SCN11A: variants seen among roughly 807,000 people sequenced by gnomAD.
SCN11A encodes sodium voltage-gated channel alpha subunit 11.
SCN11A carries 122 observed loss-of-function variants against 162.2 expected under a neutral mutation model. That is an observed-to-expected ratio of 0.75 (90% confidence interval 0.65 to 0.87). SCN11A has a LOEUF of 0.87. Among genes scored for constraint, SCN11A ranks in the 40% least tolerant of loss-of-function variants. The probability of loss-of-function intolerance (pLI) is 0.00; values close to 1 mark genes in which losing one functional copy is unlikely to be tolerated. For missense variants in SCN11A, 2,015 were observed against 2,181.6 expected (o/e 0.92, Z 1.52); for synonymous variants, 758 against 751.5 (o/e 1.01, Z -0.14).
chr3:38,984,322 G>A (rs1196524032), intron 2 of SCN11A, among the ~76,000 whole-genome samples: 20 of 152,190 alleles, frequency 1.3e-4, no homozygotes. Flanking sequence ...AATCTAAAGA[G>A]CTCCCCCTAC....
intron 29 of SCN11A, among the ~76,000 whole-genome samples, chr3:38,848,306 T>C (rs1373075741): frequency 6.6e-6 from 1 of 152,238 alleles, no homozygotes; most frequent in Non-Finnish European, 1.5e-5. Flanking sequence ...AATTCACATT[T>C]TGGCCTAAAC....
chr3:39,019,450 T>A (rs970771609), intron 2 of SCN11A, among the ~76,000 whole-genome samples: 4 of 152,212 alleles, frequency 2.6e-5, no homozygotes, highest in Admixed American at 6.5e-5. Flanking sequence ...GTAATAACTC[T>A]GTCTCCTGTG....
At chr3:38,905,413 GA>G in intron 14 of SCN11A, 92 bp from the exon 15 acceptor site, 1 of 1,438,708 alleles carries the variant, frequency 7.0e-7, no homozygotes, top group Non-Finnish European at 9.4e-7. Flanking sequence ...TACATGTAAT[GA>G]AAGTGCTCAA....
rs2065865588 is a variant in SCN11A, at chr3:38,910,125, ACCAG to A, written c.1038_1041del (p.Trp347LeufsTer8). On this transcript the variant is annotated frameshift_variant, in exon 12 of 30. Coordinates refer to ENST00000302328, the MANE Select transcript of SCN11A (RefSeq NM_001349253.2). LOFTEE classifies it high-confidence loss of function. ...ATCAGCCGGAACATGGCAAGAAAAG[ACCAG>A]CCAAAGTTGTCAAAATTCGTATAAT... is the stretch of plus-strand genomic sequence containing the variant. The A allele has an allele frequency of 3.1e-6, 5 of 1,613,988 alleles. No homozygotes were observed. Among genetic ancestry groups the A allele is most frequent in the Non-Finnish European group, 4.2e-6 (5 of 1,179,926 alleles).
chr3:38,968,344 C>A (rs2066795792), intron 2 of SCN11A, among the ~76,000 whole-genome samples: 1 of 152,238 alleles, frequency 6.6e-6, no homozygotes, highest in African/African-American at 2.4e-5. Context: ...TGAACCTCAA[C>A]AGAGGCCAGA....
chr3:38,949,518 G>A (rs73828747), intron 5 of SCN11A, among the ~76,000 whole-genome samples: 2,426 of 152,242 alleles, frequency 0.016, 68 homozygotes, highest in African/African-American at 0.056. Flanking sequence ...GTTGGTTTGA[G>A]CCCTATTAGT....
At chr3:38,910,363 A>C (rs1162361655) in intron 11 of SCN11A, among the ~76,000 whole-genome samples, 156 bp from the exon 12 acceptor site, 2 of 152,204 alleles carry the variant, frequency 1.3e-5, no homozygotes, top group South Asian at 2.1e-4. Flanking sequence ...ACTGTCTGAC[A>C]AGACTCTTTT....
intron 2 of SCN11A, among the ~76,000 whole-genome samples, chr3:38,981,019 C>T (rs1469059751): frequency 6.6e-6 from 1 of 152,152 alleles, no homozygotes; most frequent in Non-Finnish European, 1.5e-5. Flanking sequence ...CACAGTATCT[C>T]ACTCTGTTTG....
chr3:38,852,863 C>T (rs187256829), intron 28 of SCN11A, among the ~76,000 whole-genome samples: 17 of 152,224 alleles, frequency 1.1e-4, no homozygotes, highest in Admixed American at 5.2e-4. Context: ...TTATCTCATG[C>T]GACACTAATC....
rs554858494 is a variant in SCN11A at position 38,999,677 on chromosome 3, T to C, written c.-280+32703A>G. ...AGTTTCACCTTGCAATTTGTCAGCA[T>C]AATAATCACAGTAAAAACACCTGAC... is the stretch of plus-strand genomic sequence containing the variant. On this transcript the variant is annotated intron_variant, in intron 2 of 29. Transcript: ENST00000302328. 1.2e-4 allele frequency among the ~76,000 whole-genome samples: 19 copies of C among 152,298 alleles called. No individual in the cohort carries two copies. In the East Asian group the frequency reaches 3.7e-3, roughly 29 times the overall value.
chr3:38,874,228 G>A (rs890377558), intron 23 of SCN11A, among the ~76,000 whole-genome samples: 2 of 151,998 alleles, frequency 1.3e-5, no homozygotes, highest in East Asian at 1.9e-4. Flanking sequence ...TCTAAATATC[G>A]ATGTTATCCA....
chr3:39,044,923 A>T (rs1209296591), intron 1 of SCN11A, among the ~76,000 whole-genome samples: 5 of 122,502 alleles, frequency 4.1e-5, no homozygotes, highest in African/African-American at 1.3e-4. Context: ...GAGTAATTTT[A>T]AAAAAAGAGA....
At chr3:38,958,224 G>T (rs1454404897) in intron 3 of SCN11A, among the ~76,000 whole-genome samples, 2 of 152,240 alleles carry the variant, frequency 1.3e-5, no homozygotes, top group African/African-American at 2.4e-5. Context: ...GGCTGGGTTT[G>T]GTTGGTGAGA....
At chr3:39,037,498 G>A (rs1054454552) in intron 1 of SCN11A, among the ~76,000 whole-genome samples, 6 of 152,084 alleles carry the variant, frequency 3.9e-5, no homozygotes, top group Non-Finnish European at 5.9e-5. Flanking sequence ...TGTTTGTAAC[G>A]CAAAGAAATA....
chr3:39,027,232 C>G (rs1254234550), intron 2 of SCN11A, among the ~76,000 whole-genome samples: 2 of 152,194 alleles, frequency 1.3e-5, no homozygotes, highest in African/African-American at 2.4e-5. Flanking sequence ...TTTTCCTTTA[C>G]TCAATAAAGA....
At chr3:38,920,907 G>C (rs767405622) in intron 10 of SCN11A, among the ~76,000 whole-genome samples, 169 bp downstream of exon 10, 4 of 152,112 alleles carry the variant, frequency 2.6e-5, no homozygotes, top group Non-Finnish European at 5.9e-5. Flanking sequence ...GCCAAAGAAT[G>C]AGGCAATTCT....
intron 22 of SCN11A, among the ~76,000 whole-genome samples, chr3:38,880,531 A>G (rs2065291590): frequency 6.6e-6 from 1 of 152,092 alleles, no homozygotes; most frequent in African/African-American, 2.4e-5. Flanking sequence ...GGATTAATTC[A>G]GTGTCTCTTT....
intron 1 of SCN11A, among the ~76,000 whole-genome samples, chr3:39,032,918 G>A (rs1489289897): frequency 2.6e-5 from 4 of 152,138 alleles, no homozygotes; most frequent in Non-Finnish European, 5.9e-5. Context: ...TTGGGAGGCC[G>A]AGGTGGGCAG....
chr3:38,953,242 C>T (rs2066643088), intron 4 of SCN11A, among the ~76,000 whole-genome samples: 1 of 151,966 alleles, frequency 6.6e-6, no homozygotes, highest in South Asian at 2.1e-4. Context: ...GGACAACACA[C>T]ACTGAGGCCC....
Sources: allele counts gnomAD v4.1 joint callset (sites outside exome capture counted in the v4.1 genomes callset), GRCh38; gene constraint gnomAD v4.1.1; transcripts MANE v1.5; gene names NCBI Gene and HGNC (gene_info 2026-07-23, HGNC 2026-07-21).